Variants in OR11A1 observed in about 807,000 individuals in gnomAD.
OR11A1 encodes the protein olfactory receptor 11A1.
For missense variants in OR11A1, 380 were observed against 378.2 expected (o/e 1.00, Z -0.04); for synonymous variants, 158 against 152.2 (o/e 1.04, Z -0.28).
rs181603877 is a variant in OR11A1, at chr6:29,454,258, C to T, written c.-389+2729G>A. 1.4e-3 allele frequency among the ~76,000 whole-genome samples: 209 copies of T among 152,082 alleles called. 5 individuals are homozygous for T. The East Asian group carries it at 0.021, about 15-fold the overall frequency. ...TCTAATATAAATAGTTAAATTAAAA[C>T]CATTTTTAAAGAATTCATGGACAAT... On this transcript the variant is annotated intron_variant, in intron 1 of 4. Coordinates refer to ENST00000377149, the MANE Select transcript of OR11A1 (RefSeq NM_001394828.1).
intron 1 of OR11A1, among the ~76,000 whole-genome samples, chr6:29,443,504 A>C (rs1323467879): frequency 1.3e-5 from 2 of 151,938 alleles, no homozygotes; most frequent in African/African-American, 4.8e-5. Context: ...TCATCCATTC[A>C]CCTGCTGAAG....
Position 29,426,495 on chromosome 6 carries a change from T to C in OR11A1, c.*199A>G, listed in dbSNP as rs1186017930. ...CCCCCATGACACAAGTTTACCTATG[T>C]AACAAACCTGCACATGTACCCTTGA... On this transcript the variant is annotated 3_prime_UTR_variant, in exon 5 of 5. Coordinates refer to ENST00000377149, the MANE Select transcript of OR11A1 (RefSeq NM_001394828.1). 5 of 556,696 alleles carry C rather than the reference T, an allele frequency of 9.0e-6. No individual in the cohort carries two copies. Among genetic ancestry groups the C allele is most frequent in the Non-Finnish European group, 1.6e-5 (5 of 315,134 alleles). 34.5% of individuals were successfully genotyped at this position (556,696 alleles called of 1,614,324 possible).
intron 1 of OR11A1, chr6:29,440,777 A>C (rs10946991): frequency 0.046 from 74,552 of 1,613,382 alleles, 3,737 homozygotes; most frequent in African/African-American, 0.24. Flanking sequence ...ATGGCACCGC[A>C]CTCTTTATCT....
intron 1 of OR11A1, among the ~76,000 whole-genome samples, chr6:29,447,736 A>G (rs955162153): frequency 3.3e-5 from 5 of 152,216 alleles, no homozygotes; most frequent in Admixed American, 6.5e-5. Context: ...ACCTAAAACA[A>G]ATTAGTGAAA....
intron 1 of OR11A1, chr6:29,440,392 G>A (rs753265587): frequency 1.2e-6 from 2 of 1,614,022 alleles, no homozygotes; most frequent in East Asian, 4.5e-5. Flanking sequence ...GCAGCCATCT[G>A]TGAACCCCTC....
chr6:29,444,428 G>T (rs368586902), intron 1 of OR11A1, among the ~76,000 whole-genome samples: 1 of 152,138 alleles, frequency 6.6e-6, no homozygotes, highest in Non-Finnish European at 1.5e-5. Flanking sequence ...TCTCTACTCC[G>T]TTACTAAAAC....
intron 1 of OR11A1, among the ~76,000 whole-genome samples, chr6:29,454,686 A>G (rs753364023): frequency 6.6e-6 from 1 of 152,200 alleles, no homozygotes; most frequent in Non-Finnish European, 1.5e-5. Context: ...AAAAGTAGAA[A>G]CAATCCAAAT....
chr6:29,432,704 G>GCCACTACTC (rs1783308324), intron 1 of OR11A1, among the ~76,000 whole-genome samples: 1 of 152,028 alleles, frequency 6.6e-6, no homozygotes, highest in African/African-American at 2.4e-5. Context: ...AACTTTGTCT[G>GCCACTACTC]CCACTACTCC....
At chr6:29,448,310 C>A (rs1784992333) in intron 1 of OR11A1, among the ~76,000 whole-genome samples, 1 of 152,144 alleles carries the variant, frequency 6.6e-6, no homozygotes, top group South Asian at 2.1e-4. Context: ...CCACCACACC[C>A]AGCCACACGA....
At chr6:29,436,291 A>G (rs1783621329) in intron 1 of OR11A1, among the ~76,000 whole-genome samples, 1 of 152,038 alleles carries the variant, frequency 6.6e-6, no homozygotes, top group Admixed American at 6.6e-5. Context: ...TATTTTTCAC[A>G]TTTTTTGTTT....
chr6:29,434,108 A>C (rs1783460440), intron 1 of OR11A1, among the ~76,000 whole-genome samples: 1 of 151,958 alleles, frequency 6.6e-6, no homozygotes, highest in Non-Finnish European at 1.5e-5. Flanking sequence ...TTTTCTCTCA[A>C]CCTGTGGGTT....
chr6:29,427,521 T>C lies in OR11A1; in HGVS notation c.121A>G (p.Ile41Val). Residue 41 changes from isoleucine to valine, a missense_variant, in exon 5 of 5, where the codon ATC (isoleucine) becomes GTC (valine). By Grantham distance (29) the Ile-to-Val change is conservative. Transcript: ENST00000377149. ...IVFTAVYVFI[I>V]IGNMLIIVAV... ...ACAATAATCAGCATATTCCCTATGA[T>C]GATGAAGACATAGACAGCAGTGAAT... is the stretch of plus-strand genomic sequence containing the variant. 1 of 1,613,056 alleles carries C rather than the reference T, an allele frequency of 6.2e-7. No individual in the cohort carries two copies. Among genetic ancestry groups the C allele is most frequent in the Non-Finnish European group, 8.5e-7 (1 of 1,180,020 alleles).
Position 29,435,782 on chromosome 6 carries a change from C to T in OR11A1, c.-388-3795G>A, listed in dbSNP as rs373367480. Among the ~76,000 whole-genome samples, 20 of 152,224 alleles carry T rather than the reference C, an allele frequency of 1.3e-4. No homozygotes were observed. The East Asian group carries it at 1.4e-3, about 10-fold the overall frequency. On this transcript the variant is annotated intron_variant, in intron 1 of 4. Transcript: ENST00000377149. The stretch of plus-strand genomic sequence containing the variant: ...TTTAGATTTCTTCTTCACTAGACTA[C>T]GAATTAGAAGTAAATATTATCCAGG...
chr6:29,439,694 A>C (rs1783939738), intron 1 of OR11A1: 1 of 384,468 alleles, frequency 2.6e-6, no homozygotes, highest in Non-Finnish European at 4.6e-6. Context: ...AGCTAGACTG[A>C]CTTAATCTTC....
chr6:29,445,227 G>A (rs921614513), intron 1 of OR11A1, among the ~76,000 whole-genome samples: 6 of 152,080 alleles, frequency 3.9e-5, no homozygotes, highest in African/African-American at 7.2e-5. Context: ...GGCTGGTCTC[G>A]AACTTCTGAC....
In OR11A1 at chr6:29,427,117, A is replaced by T; in HGVS notation, c.525T>A (p.Ile175=). 6.2e-7 allele frequency: 1 copy of T among 1,612,984 alleles called. No homozygotes were observed. The highest frequency in any genetic ancestry group is 8.5e-7 in the Non-Finnish European group (1 of 1,180,000). ...AQLRFCGPNH[I]DQFYCDFMLF... is the part of the protein sequence containing the mutation. ...GCATAAAGTCACAGTAAAACTGGTCAATGTGGTTGGGGCCACAGAACCTCA... is the reference window on the plus strand; with the variant it reads ...GCATAAAGTCACAGTAAAACTGGTCTATGTGGTTGGGGCCACAGAACCTCA... Residue 175 remains isoleucine, a synonymous_variant, in exon 5 of 5, where the codon ATT becomes ATA. Coordinates refer to ENST00000377149, the MANE Select transcript of OR11A1 (RefSeq NM_001394828.1).
chr6:29,427,386 C>A lies in OR11A1; in HGVS notation c.256G>T (p.Gly86Cys). Residue 86 changes from glycine to cysteine, a missense_variant, in exon 5 of 5, where the codon GGC (glycine) becomes TGC (cysteine). By Grantham distance (159) the Gly-to-Cys change is radical. Transcript: ENST00000377149. ...GAGATAGTTGCTTCTTGCAGGAAGC[C>A]CTCCAGCATTTTTGGCATCACTGCG... Reference protein sequence around the residue: ...TSAVMPKMLEGFLQEATISVA... With the variant: ...TSAVMPKMLECFLQEATISVA... 6.2e-7 allele frequency: 1 copy of A among 1,613,034 alleles called. No individual in the cohort carries two copies. Among genetic ancestry groups the A allele is most frequent in the Non-Finnish European group, 8.5e-7 (1 of 1,180,020 alleles).
chr6:29,437,497 G>C (rs545233125), intron 1 of OR11A1, among the ~76,000 whole-genome samples: 1 of 146,492 alleles, frequency 6.8e-6, no homozygotes, highest in Non-Finnish European at 1.5e-5. Context: ...TTTTATAGTT[G>C]TTTTTATTTT....
intron 1 of OR11A1, chr6:29,441,055 G>A (rs1227992022): frequency 3.9e-6 from 3 of 764,138 alleles, no homozygotes; most frequent in Non-Finnish European, 6.3e-6. Flanking sequence ...TTAGGGGAGG[G>A]CCAGCCTGTC....
Sources: allele counts gnomAD v4.1 joint callset (sites outside exome capture counted in the v4.1 genomes callset), GRCh38; gene constraint gnomAD v4.1.1; transcripts MANE v1.5; gene names NCBI Gene and HGNC (gene_info 2026-07-23, HGNC 2026-07-21).